Variants in GRID2 observed in about 807,000 individuals in gnomAD.
GRID2 encodes glutamate ionotropic receptor delta type subunit 2.
GRID2 carries 33 observed loss-of-function variants against 114.8 expected under a neutral mutation model. That is an observed-to-expected ratio of 0.29 (90% CI 0.22 to 0.38). The LOEUF (loss-of-function observed/expected upper bound fraction) is 0.38, where lower values mean the gene tolerates loss of function less well. Ranked by LOEUF, GRID2 falls within the 10% of genes least tolerant of loss-of-function variation. The pLI is 1.00. For missense variants in GRID2, 1,184 were observed against 1,257.7 expected (o/e 0.94, Z 0.89); for synonymous variants, 505 against 449.9 (o/e 1.12, Z -1.55).
At chr4:92,876,276 T>A (rs1048622618) in intron 2 of GRID2, among the ~76,000 whole-genome samples, 21 of 149,420 alleles carry the variant, frequency 1.4e-4, no homozygotes, top group South Asian at 2.1e-4. Flanking sequence ...ATCTTTTTTT[T>A]TTATTATTTT....
At chr4:93,267,995 C>T (rs1351342658) in intron 8 of GRID2, among the ~76,000 whole-genome samples, 4 of 152,182 alleles carry the variant, frequency 2.6e-5, no homozygotes, top group East Asian at 1.9e-4. Flanking sequence ...GATTGCCTGG[C>T]TATCTGGTGG....
intron 2 of GRID2, among the ~76,000 whole-genome samples, chr4:92,739,808 G>A (rs538766853): frequency 1.0e-3 from 152 of 152,142 alleles, no homozygotes; most frequent in Non-Finnish European, 1.8e-3. Context: ...GTAACATTTC[G>A]ACATAATTAA....
intron 13 of GRID2, among the ~76,000 whole-genome samples, chr4:93,548,176 C>T (rs1002187169): frequency 6.7e-6 from 1 of 150,096 alleles, no homozygotes; most frequent in African/African-American, 2.5e-5. Context: ...GACACCATCT[C>T]AATTAAAAAA....
intron 2 of GRID2, among the ~76,000 whole-genome samples, chr4:92,787,796 A>T (rs767705336): frequency 1.3e-4 from 20 of 151,840 alleles, no homozygotes; most frequent in Non-Finnish European, 2.2e-4. Context: ...CATTATCCTG[A>T]TAAGAGATGG....
intron 2 of GRID2, among the ~76,000 whole-genome samples, chr4:92,777,352 T>C (rs1738859536): frequency 6.6e-6 from 1 of 152,100 alleles, no homozygotes; most frequent in Admixed American, 6.6e-5. Flanking sequence ...TGTTTTGCTT[T>C]GTGTGGTAAT....
chr4:92,663,693 G>A (rs1045470108), intron 2 of GRID2, among the ~76,000 whole-genome samples: 1 of 150,954 alleles, frequency 6.6e-6, no homozygotes, highest in Admixed American at 6.6e-5. Flanking sequence ...ACAGTTCAGT[G>A]GTCTTAAACA....
At chr4:92,955,074 A>G (rs1752297536) in intron 2 of GRID2, among the ~76,000 whole-genome samples, 2 of 107,710 alleles carry the variant, frequency 1.9e-5, no homozygotes, top group Non-Finnish European at 3.6e-5. Context: ...CACAATAAAC[A>G]TACATGTGCA....
At chr4:93,498,202 G>T (rs1368018764) in intron 12 of GRID2, among the ~76,000 whole-genome samples, 1 of 151,792 alleles carries the variant, frequency 6.6e-6, no homozygotes, top group Non-Finnish European at 1.5e-5. Context: ...CCAATATCAA[G>T]GTGCCAGCAG....
chr4:92,886,836 A>C (rs943634526), intron 2 of GRID2, among the ~76,000 whole-genome samples: 2 of 152,138 alleles, frequency 1.3e-5, no homozygotes, highest in East Asian at 3.9e-4. Flanking sequence ...CGTGTTAGCC[A>C]GGATGGCCTT....
At chr4:92,588,368 A>C (rs1728549355) in intron 1 of GRID2, among the ~76,000 whole-genome samples, 1 of 152,044 alleles carries the variant, frequency 6.6e-6, no homozygotes, top group Non-Finnish European at 1.5e-5. Context: ...GGAAGTACTC[A>C]ATTTATATGT....
intron 2 of GRID2, among the ~76,000 whole-genome samples, chr4:92,865,221 A>G (rs1180379215): frequency 6.6e-6 from 1 of 152,214 alleles, no homozygotes; most frequent in Non-Finnish European, 1.5e-5. Flanking sequence ...CTTTACTGTC[A>G]TAATATTTAC....
At chr4:93,241,345 T>C (rs1747486871) in intron 8 of GRID2, among the ~76,000 whole-genome samples, 1 of 151,714 alleles carries the variant, frequency 6.6e-6, no homozygotes, top group African/African-American at 2.4e-5. Context: ...AGGGATGATG[T>C]TGAATGGAAA....
intron 2 of GRID2, among the ~76,000 whole-genome samples, chr4:92,649,046 A>G (rs1178639351): frequency 0.029 from 12 of 414 alleles, no homozygotes; most frequent in Non-Finnish European, 0.096. Flanking sequence ...ATATATATAT[A>G]TATAATATAT....
intron 8 of GRID2, among the ~76,000 whole-genome samples, chr4:93,265,378 G>T (rs1286723213): frequency 6.6e-6 from 1 of 152,110 alleles, no homozygotes; most frequent in African/African-American, 2.4e-5. Context: ...ATCTAACCAA[G>T]TTGTGGACAT....
At chr4:93,094,349 C>A (rs1309027444) in intron 3 of GRID2, among the ~76,000 whole-genome samples, 1 of 151,702 alleles carries the variant, frequency 6.6e-6, no homozygotes, top group Non-Finnish European at 1.5e-5. Context: ...TTTAAGGACA[C>A]CTGGAAAATT....
At chr4:93,209,354 G>C (rs920158424) in intron 5 of GRID2, among the ~76,000 whole-genome samples, 3 of 152,018 alleles carry the variant, frequency 2.0e-5, no homozygotes, top group Admixed American at 6.6e-5. Context: ...GAGGTATTTG[G>C]TTTTCTGTTT....
intron 1 of GRID2, among the ~76,000 whole-genome samples, chr4:92,442,688 G>A (rs1379500568): frequency 1.3e-5 from 2 of 152,022 alleles, no homozygotes; most frequent in African/African-American, 4.8e-5. Flanking sequence ...GAATAAGATG[G>A]CCTTTTGACC....
At chr4:93,628,106 G>C (rs920620606) in intron 14 of GRID2, among the ~76,000 whole-genome samples, 2 of 152,122 alleles carry the variant, frequency 1.3e-5, no homozygotes, top group Non-Finnish European at 2.9e-5. Context: ...CTTGGGAGGT[G>C]GAGGTTATAG....
intron 14 of GRID2, among the ~76,000 whole-genome samples, chr4:93,745,951 G>A (rs1731804885): frequency 6.6e-6 from 1 of 152,122 alleles, no homozygotes; most frequent in South Asian, 2.1e-4. Context: ...TCCCAGTTAG[G>A]TAGCAGGGGC....
Sources: allele counts gnomAD v4.1 joint callset (sites outside exome capture counted in the v4.1 genomes callset), GRCh38; gene constraint gnomAD v4.1.1; transcripts MANE v1.5; gene names NCBI Gene and HGNC (gene_info 2026-07-23, HGNC 2026-07-21).